Variants in ARL9 observed in about 807,000 individuals in gnomAD.
ARL9 encodes the protein ARF like GTPase 9.
ARL9 carries 14 observed loss-of-function variants against 27.0 expected under a neutral mutation model. The observed-to-expected ratio is 0.52, with a 90% CI of 0.34 to 0.81. The LOEUF is 0.81. ARL9 is among the 30% of genes least tolerant of loss of function. ARL9 has a pLI of 0.01. For missense variants in ARL9, 294 were observed against 290.0 expected (o/e 1.01, Z -0.10); for synonymous variants, 106 against 108.7 (o/e 0.98, Z 0.15).
chr4:56,523,216 C>G (rs1236314350), intron 3 of ARL9, among the ~76,000 whole-genome samples: 1 of 152,080 alleles, frequency 6.6e-6, no homozygotes, highest in Non-Finnish European at 1.5e-5. Flanking sequence ...CAAGATGCTC[C>G]TCTTTACAAA....
chr4:56,520,234 C>G (rs1426249417), intron 3 of ARL9, among the ~76,000 whole-genome samples: 1 of 152,170 alleles, frequency 6.6e-6, no homozygotes. Context: ...AACTTTTGGC[C>G]TCAAGTGATC....
chr4:56,506,993 G>A (rs1173211524), intron 1 of ARL9, among the ~76,000 whole-genome samples: 1 of 151,996 alleles, frequency 6.6e-6, no homozygotes, highest in East Asian at 1.9e-4. Flanking sequence ...CTGGAGTTTC[G>A]CCATGTAGCT....
chr4:56,520,258 C>G (rs190795348), intron 3 of ARL9, among the ~76,000 whole-genome samples: 2 of 152,186 alleles, frequency 1.3e-5, no homozygotes, highest in Non-Finnish European at 2.9e-5. Flanking sequence ...CCACCTGGGC[C>G]TCCCAAAGTT....
Position 56,505,906 on chromosome 4 carries a change from C to A in ARL9, c.44C>A (p.Thr15Lys). The A allele has an allele frequency of 7.2e-6, 9 of 1,245,246 alleles. No individual in the cohort carries two copies. Among genetic ancestry groups the A allele is most frequent in the Admixed American group, 3.9e-5 (1 of 25,570 alleles). The allele number at this position is 1,245,246 out of a possible 1,614,324, so 77.1% of individuals were successfully genotyped here. A position where few individuals can be genotyped will look rare whatever the true frequency, so the allele number is the denominator to read the frequency against. Residue 15 changes from threonine to lysine, a missense_variant, in exon 1 of 4, where the codon ACG becomes AAG. Thr to Lys is a moderately conservative substitution (Grantham distance 78, BLOSUM62 -1). Coordinates refer to ENST00000640821, the MANE Select transcript of ARL9 (RefSeq NM_001363794.2). ...KVKKKEKEKE[T>K]QEEKIGEKGR... ...AAGAAGAAAGAGAAGGAAAAGGAGACGCAGGAGGAGAAAATCGGAGAAAAG... is the reference window on the plus strand; with the variant it reads ...AAGAAGAAAGAGAAGGAAAAGGAGAAGCAGGAGGAGAAAATCGGAGAAAAG...
intron 2 of ARL9, among the ~76,000 whole-genome samples, chr4:56,512,080 A>T (rs1363610037): frequency 6.6e-6 from 1 of 152,178 alleles, no homozygotes; most frequent in Non-Finnish European, 1.5e-5. Flanking sequence ...CCTCCAGTAC[A>T]CAAGTAAAAC....
chr4:56,523,524 T>G (rs1228080244), intron 3 of ARL9, among the ~76,000 whole-genome samples, 173 bp from the exon 4 acceptor site: 1 of 152,212 alleles, frequency 6.6e-6, no homozygotes, highest in Admixed American at 6.5e-5. Flanking sequence ...ATAATTCTGA[T>G]GAAAACCTTT....
chr4:56,509,106 ATCT>A (rs1721549699), intron 1 of ARL9, among the ~76,000 whole-genome samples: 1 of 152,146 alleles, frequency 6.6e-6, no homozygotes. Flanking sequence ...ACCCTGTACG[ATCT>A]TCACACCAGC....
At chr4:56,507,685 G>GA (rs894512230) in intron 1 of ARL9, among the ~76,000 whole-genome samples, 7 of 148,614 alleles carry the variant, frequency 4.7e-5, no homozygotes, top group Admixed American at 6.7e-5. Context: ...CACTAAGAAA[G>GA]AAAAAAAAGC....
intron 1 of ARL9, 132 bp downstream of exon 1, chr4:56,506,273 C>A: frequency 1.0e-6 from 1 of 960,366 alleles, no homozygotes; most frequent in South Asian, 5.5e-5. Flanking sequence ...GGGCTATTTA[C>A]CTATGGATGA....
At chr4:56,512,671 C>A (rs1337662319) in intron 2 of ARL9, among the ~76,000 whole-genome samples, 2 of 151,886 alleles carry the variant, frequency 1.3e-5, no homozygotes, top group African/African-American at 4.8e-5. Context: ...TCCTGAGTAG[C>A]TGGGATTACA....
chr4:56,513,707 A>G (rs1560697394), intron 2 of ARL9, among the ~76,000 whole-genome samples: 2 of 152,302 alleles, frequency 1.3e-5, no homozygotes, highest in East Asian at 3.9e-4. Context: ...GGCACATACC[A>G]GTATTTAATC....
In ARL9 at chr4:56,523,668, G is replaced by A. The variant is rs752291023; in HGVS notation, c.619-29G>A. 4.4e-6 allele frequency: 7 copies of A among 1,584,352 alleles called. No homozygotes were observed. The South Asian group carries it at 8.0e-5, about 18-fold the overall frequency. On this transcript the variant is annotated intron_variant, in intron 3 of 3. Transcript: ENST00000640821. ...AAAGGATTGCAAAATAACCAACTTT[G>A]TCCTATTCTTATTCCACTCCGGATG...
chr4:56,505,497 T>G (rs1379497625), upstream of ARL9: 1 of 478,250 alleles, frequency 2.1e-6, no homozygotes. Flanking sequence ...TTAGCCACCC[T>G]GCCTGGCCCG....
chr4:56,518,420 C>T (rs770119048), intron 2 of ARL9, among the ~76,000 whole-genome samples: 1 of 152,192 alleles, frequency 6.6e-6, no homozygotes, highest in African/African-American at 2.4e-5. Context: ...GAGACATCCA[C>T]TGTAGTATTT....
intron 3 of ARL9, among the ~76,000 whole-genome samples, chr4:56,522,528 A>C (rs941789916): frequency 1.3e-5 from 2 of 152,202 alleles, no homozygotes; most frequent in East Asian, 3.8e-4. Context: ...GAATGCTATG[A>C]AATAACAAAA....
intron 3 of ARL9, among the ~76,000 whole-genome samples, chr4:56,522,951 A>G (rs1183026945): frequency 6.6e-6 from 1 of 152,262 alleles, no homozygotes. Context: ...GCACAAAAGA[A>G]AACTCACAGT....
chr4:56,512,093 T>C (rs1721652229), intron 2 of ARL9, among the ~76,000 whole-genome samples: 1 of 152,202 alleles, frequency 6.6e-6, no homozygotes, highest in South Asian at 2.1e-4. Flanking sequence ...AGTAAAACAC[T>C]ATGAATTTTG....
At chr4:56,511,876 C>T (rs1721646841) in intron 2 of ARL9, among the ~76,000 whole-genome samples, 1 of 152,166 alleles carries the variant, frequency 6.6e-6, no homozygotes, top group African/African-American at 2.4e-5. Context: ...ATGCTAATGG[C>T]TCCCAAATTT....
chr4:56,506,783 C>T, intron 1 of ARL9: 2 of 444,916 alleles, frequency 4.5e-6, no homozygotes, highest in Non-Finnish European at 5.8e-6. Flanking sequence ...ATGATTAACA[C>T]AGTTGTGTGT....
Sources: gnomAD v4.1 joint callset for allele counts (sites outside exome capture counted in the v4.1 genomes callset) on GRCh38, gnomAD v4.1.1 for gene constraint, MANE v1.5 for transcripts, NCBI Gene and HGNC (gene_info 2026-07-23, HGNC 2026-07-21) for gene names.